The following HPSE variants were observed in gnomAD, a reference collection of about 807,000 sequenced individuals.
HPSE encodes endo-glucoronidase.
HPSE carries 48 observed loss-of-function variants against 65.1 expected under a neutral mutation model. The ratio of observed to expected loss-of-function variants is 0.74; its 90% CI spans 0.58 to 0.94. The LOEUF (loss-of-function observed/expected upper bound fraction) is 0.94. HPSE is among the 40% of genes least tolerant of loss of function. HPSE has a pLI of 0.00. For synonymous variants in HPSE, 243 were observed against 260.0 expected (o/e 0.93, Z 0.63); for missense variants, 644 against 637.5 (o/e 1.01, Z -0.11).
rs1488851850 is a variant in HPSE, at chr4:83,310,079, C to T, written c.843-1G>A. On this transcript the variant is annotated splice_acceptor_variant, in intron 5 of 11. Transcript: ENST00000311412. LOFTEE classifies it high-confidence loss of function. ...CACTTCTCCACCAGCCTTCAGGAAG[C>T]TAGAAAAAAAATTTTATTATCACTC... is the stretch of plus-strand genomic sequence containing the variant. 1 of 1,607,350 alleles carries T rather than the reference C, an allele frequency of 6.2e-7. No homozygotes were observed. The highest frequency in any genetic ancestry group is 8.5e-7 in the Non-Finnish European group (1 of 1,175,330).
At chr4:83,331,482 T>C (rs753506800) in intron 1 of HPSE, among the ~76,000 whole-genome samples, 31 of 152,352 alleles carry the variant, frequency 2.0e-4, no homozygotes, top group Non-Finnish European at 3.4e-4. Flanking sequence ...ATATTTCCAT[T>C]GGACAGTGTT....
chr4:83,295,848 T>A (rs1006450576), intron 11 of HPSE, among the ~76,000 whole-genome samples: 1 of 152,234 alleles, frequency 6.6e-6, no homozygotes, highest in Non-Finnish European at 1.5e-5. Flanking sequence ...GAATGGTGGC[T>A]ATTTTATTTA....
Position 83,310,121 on chromosome 4 carries a change from T to C in HPSE, c.843-43A>G, listed in dbSNP as rs771866590. The C allele has an allele frequency of 5.3e-6, 7 of 1,308,922 alleles. No homozygotes were observed. In the Admixed American group the frequency reaches 1.2e-4, roughly 23 times the overall value. The allele number at this position is 1,308,922 out of a possible 1,614,324, so 81.1% of individuals were successfully genotyped here. A position where few individuals can be genotyped will look rare whatever the true frequency, so the allele number is the denominator to read the frequency against. ...TTATCACTCAGTCATATAATACATA[T>C]ATATGCACAATATACGCATGAGAGT... On this transcript the variant is annotated intron_variant, in intron 5 of 11. Transcript: ENST00000311412.
rs117855497 is a variant in HPSE, at chr4:83,293,959, T to G, written c.*1385A>C. On this transcript the variant is annotated 3_prime_UTR_variant, in exon 12 of 12. Coordinates refer to ENST00000311412, the MANE Select transcript of HPSE (RefSeq NM_001098540.3). The stretch of plus-strand genomic sequence containing the variant: ...ACATGAAGGAAAGAATTCTAAAATC[T>G]TCTAATACATTTTGAAAGATAAATA... 130 of 152,352 alleles carry G rather than the reference T, an allele frequency of 8.5e-4. 1 individual carries two copies. In the East Asian group the frequency reaches 0.023, roughly 27 times the overall value. The allele number at this position is 152,352 out of a possible 1,614,324, so 9.4% of individuals were successfully genotyped here.
chr4:83,325,851 G>GAT (rs1287946574), intron 1 of HPSE, among the ~76,000 whole-genome samples: 1 of 152,176 alleles, frequency 6.6e-6, no homozygotes, highest in Non-Finnish European at 1.5e-5. Context: ...AGCATTCCAG[G>GAT]TGAAGGGAAA....
chr4:83,303,492 T>C (rs909592699), intron 9 of HPSE, among the ~76,000 whole-genome samples: 1 of 152,194 alleles, frequency 6.6e-6, no homozygotes, highest in Non-Finnish European at 1.5e-5. Context: ...ACTAAGGAAT[T>C]ATTGTTATTA....
intron 5 of HPSE, 89 bp downstream of exon 5, chr4:83,310,633 C>G (rs1381571348): frequency 1.6e-6 from 2 of 1,258,232 alleles, no homozygotes; most frequent in African/African-American, 3.0e-5. Flanking sequence ...GATTGTACCA[C>G]TGCACTCCAG....
In HPSE at chr4:83,326,955, G is replaced by A. The variant is rs1036574016; in HGVS notation, c.228-4591C>T. Among the ~76,000 whole-genome samples, 2 of 152,158 alleles carry A rather than the reference G, an allele frequency of 1.3e-5. No homozygotes were observed. The highest frequency in any genetic ancestry group is 4.8e-5 in the African/African-American group (2 of 41,444). On this transcript the variant is annotated intron_variant, in intron 1 of 11. Coordinates refer to ENST00000311412, the MANE Select transcript of HPSE (RefSeq NM_001098540.3). The surrounding 1 kb of genome is among the most constrained non-coding windows in gnomAD (Gnocchi z 4.2). ...CTGGGTCACAGCCTGGTCCTTAGAG[G>A]TACAAACTGTACCACCTTGGGTCAC... is the stretch of plus-strand genomic sequence containing the variant.
chr4:83,308,393 G>A (rs1276346215), intron 8 of HPSE, among the ~76,000 whole-genome samples: 2 of 151,392 alleles, frequency 1.3e-5, no homozygotes, highest in African/African-American at 4.8e-5. Flanking sequence ...GTGACAGAGG[G>A]GAAAAAAAAA....
Position 83,306,330 on chromosome 4 carries a change from A to G in HPSE, c.1092-13T>C, listed in dbSNP as rs754889239. 1.0e-5 allele frequency: 15 copies of G among 1,466,802 alleles called. No homozygotes were observed. The East Asian group carries it at 3.4e-4, about 33-fold the overall frequency. The allele number at this position is 1,466,802 out of a possible 1,614,324, so 90.9% of individuals were successfully genotyped here. A position where few individuals can be genotyped will look rare whatever the true frequency, so the allele number is the denominator to read the frequency against. ...TTTATCCAGCCACCTGGGACAGAGC[A>G]AGACCAAGCTTTCTTGAGGTTTGGA... On this transcript the variant is annotated splice_polypyrimidine_tract_variant and intron_variant, in intron 8 of 11. Transcript: ENST00000311412.
chr4:83,318,771 T>A (rs1736757290), intron 3 of HPSE, among the ~76,000 whole-genome samples: 1 of 150,034 alleles, frequency 6.7e-6, no homozygotes, highest in Non-Finnish European at 1.5e-5. Context: ...CATGTGACAA[T>A]GTCATCCTAA....
rs138507170 is a variant in HPSE at position 83,301,890 on chromosome 4, G to A, written c.1325+260C>T. 1.2e-3 allele frequency among the ~76,000 whole-genome samples: 179 copies of A among 152,248 alleles called. 1 individual carries two copies. The highest frequency in any genetic ancestry group is 7.7e-4 in the East Asian group (4 of 5,186). On this transcript the variant is annotated intron_variant, in intron 10 of 11. Transcript: ENST00000311412. ...AAGAATCACTTGAACCCGGGAGGCG[G>A]AGGTTGCAGTGAGCTGAGATTGCAC...
At chr4:83,334,508 G>A (rs1420482111) in intron 1 of HPSE, 48 bp downstream of exon 1, 2 of 1,524,150 alleles carry the variant, frequency 1.3e-6, no homozygotes, top group Non-Finnish European at 1.8e-6. Flanking sequence ...GCAGACATAG[G>A]TGTCAGGAGG....
At chr4:83,321,135 C>A (rs4693085) in intron 2 of HPSE, among the ~76,000 whole-genome samples, 141,626 of 152,232 alleles carry the variant, frequency 0.93, 66,735 homozygotes, top group East Asian at 1. Flanking sequence ...GAGGTCAAGG[C>A]TGCAGTGGGC....
At chr4:83,306,820 G>A (rs28370311) in intron 8 of HPSE, among the ~76,000 whole-genome samples, 7,232 of 152,170 alleles carry the variant, frequency 0.048, 552 homozygotes, top group African/African-American at 0.16. Context: ...TAGAGATTAC[G>A]GTTTAGGGAT....
intron 2 of HPSE, among the ~76,000 whole-genome samples, chr4:83,320,253 A>G (rs960157015): frequency 6.6e-6 from 1 of 152,162 alleles, no homozygotes; most frequent in Non-Finnish European, 1.5e-5. Context: ...TTCTGGGACC[A>G]CAACATGTGC....
At chr4:83,334,172 A>T (rs1420390226) in intron 1 of HPSE, among the ~76,000 whole-genome samples, 1 of 152,116 alleles carries the variant, frequency 6.6e-6, no homozygotes, top group African/African-American at 2.4e-5. Context: ...TTAGTGGAAT[A>T]GTAGACACTG....
At chr4:83,321,452 A>G (rs1322894119) in intron 2 of HPSE, among the ~76,000 whole-genome samples, 1 of 152,210 alleles carries the variant, frequency 6.6e-6, no homozygotes, top group East Asian at 1.9e-4. Context: ...AGTGGTGTAT[A>G]CAATATTTTC....
intron 4 of HPSE, among the ~76,000 whole-genome samples, chr4:83,311,940 T>G (rs1243430651): frequency 1.3e-5 from 2 of 152,148 alleles, no homozygotes; most frequent in Non-Finnish European, 2.9e-5. Context: ...ATACTTATAG[T>G]TAAAATTTAC....
Sources: gnomAD v4.1 joint callset for allele counts (sites outside exome capture counted in the v4.1 genomes callset) on GRCh38, gnomAD v4.1.1 for gene constraint, Gnocchi (gnomAD v3.1) non-coding constraint, MANE v1.5 for transcripts, NCBI Gene and HGNC (gene_info 2026-07-23, HGNC 2026-07-21) for gene names.